Variants in RXRG observed in about 807,000 individuals in gnomAD.
The protein encoded by RXRG is retinoid X receptor gamma, also known as retinoic acid receptor RXR-gamma.
A neutral mutation model predicts 49.2 loss-of-function variants in RXRG; 19 were observed. The observed-to-expected ratio is 0.39, with a 90% CI of 0.27 to 0.57. RXRG has a LOEUF of 0.57. Among genes scored for constraint, RXRG ranks in the 20% least tolerant of loss-of-function variants. RXRG has a pLI of 0.64. For synonymous variants in RXRG, 224 were observed against 216.6 expected (o/e 1.03, Z -0.30); for missense variants, 452 against 592.5 (o/e 0.76, Z 2.46).
At chr1:165,441,703 C>A (rs1311955986) in intron 1 of RXRG, among the ~76,000 whole-genome samples, 1 of 152,098 alleles carries the variant, frequency 6.6e-6, no homozygotes, top group Non-Finnish European at 1.5e-5. Flanking sequence ...TCCTTCTCAC[C>A]CTGAGGATTA....
intron 1 of RXRG, among the ~76,000 whole-genome samples, chr1:165,429,392 T>G (rs1054630269): frequency 1.3e-5 from 2 of 152,174 alleles, no homozygotes; most frequent in African/African-American, 4.8e-5. Context: ...TGACTAGAAC[T>G]CATATTGCTC....
At chr1:165,419,721 G>T in intron 3 of RXRG, 149 bp downstream of exon 3, 1 of 517,928 alleles carries the variant, frequency 1.9e-6, no homozygotes. Flanking sequence ...GGCAGCCTGT[G>T]AACCCAGTGA....
At position 165,429,503 on chromosome 1, in the gene RXRG, T is replaced by C. The variant is rs145853015; in HGVS notation, c.50-537A>G. ...TCAGAGCAGAAGAGCACACAGTCGC[T>C]GACATCAGGAGTCACATTCCATAAT... On this transcript the variant is annotated intron_variant, in intron 1 of 9. Transcript: ENST00000359842. Among the ~76,000 whole-genome samples, 761 of 152,302 alleles carry C rather than the reference T, an allele frequency of 5.0e-3. 6 individuals are homozygous for C. Among genetic ancestry groups the C allele is most frequent in the African/African-American group, 0.018 (729 of 41,552 alleles).
intron 2 of RXRG, among the ~76,000 whole-genome samples, chr1:165,428,417 A>G (rs573870262): frequency 6.6e-6 from 1 of 152,224 alleles, no homozygotes; most frequent in South Asian, 2.1e-4. Flanking sequence ...GAGAAGAATA[A>G]AAGGGGTCCA....
chr1:165,436,279 G>T (rs534325646), intron 1 of RXRG, among the ~76,000 whole-genome samples: 1 of 152,288 alleles, frequency 6.6e-6, no homozygotes, highest in African/African-American at 2.4e-5. Flanking sequence ...AGCCACCTAG[G>T]ATGGCAGGAA....
chr1:165,416,570 T>C (rs2101718794), intron 4 of RXRG, among the ~76,000 whole-genome samples: 1 of 152,260 alleles, frequency 6.6e-6, no homozygotes, highest in South Asian at 2.1e-4. Flanking sequence ...AAATGAAACC[T>C]ACAGTTTGCC....
intron 1 of RXRG, among the ~76,000 whole-genome samples, chr1:165,438,657 C>T (rs1168230366): frequency 6.6e-6 from 1 of 152,208 alleles, no homozygotes; most frequent in Non-Finnish European, 1.5e-5. Context: ...AGAAGACCTG[C>T]TGTTTTTGCC....
chr1:165,414,667 A>G (rs1356515653), intron 4 of RXRG, among the ~76,000 whole-genome samples: 2 of 152,338 alleles, frequency 1.3e-5, no homozygotes, highest in East Asian at 1.9e-4. Flanking sequence ...ACTTGTAGTC[A>G]TTAGTTTCAT....
At chr1:165,403,222 T>G (rs1657642729) in intron 9 of RXRG, among the ~76,000 whole-genome samples, 1 of 152,188 alleles carries the variant, frequency 6.6e-6, no homozygotes, top group Non-Finnish European at 1.5e-5. Context: ...CTGTGCACAG[T>G]GCAATGCCAG....
At chr1:165,429,009 G>A in intron 1 of RXRG, 43 bp from the exon 2 acceptor site, 1 of 1,588,996 alleles carries the variant, frequency 6.3e-7, no homozygotes, top group South Asian at 1.1e-5. Flanking sequence ...TGGGGAACAT[G>A]GAAAGGGGCC....
chr1:165,434,993 A>G (rs1658781120), intron 1 of RXRG, among the ~76,000 whole-genome samples: 1 of 152,228 alleles, frequency 6.6e-6, no homozygotes, highest in Non-Finnish European at 1.5e-5. Context: ...GCCACAAGCC[A>G]GACATGGTTC....
Position 165,406,848 on chromosome 1 carries a change from G to A in RXRG, c.1208C>T (p.Ala403Val). Reference protein sequence around the residue: ...LREKVYATLEAYTKQKYPEQP... With the variant: ...LREKVYATLEVYTKQKYPEQP... Reference sequence around the variant, plus strand: ...TTCCGGATACTTCTGCTTGGTGTAGGCCTCAAGGGTGGCATAAACCTTCTC... The same window carrying A: ...TTCCGGATACTTCTGCTTGGTGTAGACCTCAAGGGTGGCATAAACCTTCTC... Residue 403 changes from alanine to valine, a missense_variant, in exon 9 of 10, where the codon GCC becomes GTC. Ala to Val is a moderately conservative substitution (Grantham distance 64). This residue lies in a region of RXRG where 286 missense variants were observed against 440.9 expected (regional missense o/e 0.65). Coordinates refer to ENST00000359842, the MANE Select transcript of RXRG (RefSeq NM_006917.5). 6.2e-7 allele frequency: 1 copy of A among 1,613,822 alleles called. No homozygotes were observed. Among genetic ancestry groups the A allele is most frequent in the Non-Finnish European group, 8.5e-7 (1 of 1,179,912 alleles).
Position 165,409,609 on chromosome 1 carries a change from T to C in RXRG, c.995A>G (p.His332Arg), listed in dbSNP as rs1482103111. The C allele has an allele frequency of 1.9e-6, 3 of 1,576,194 alleles. No individual in the cohort carries two copies. The highest frequency in any genetic ancestry group is 1.7e-6 in the Non-Finnish European group (2 of 1,162,236). Reference sequence around the variant, plus strand: ...ACTGTGGGCACTGCTCCGGTGGACATGTAAACCCGTGGCCAGAAGGATGCC... The same window carrying C: ...ACTGTGGGCACTGCTCCGGTGGACACGTAAACCCGTGGCCAGAAGGATGCC... ...QDGILLATGL[H>R]VHRSSAHSAG... is the part of the protein sequence containing the mutation. Residue 332 changes from histidine (H) to arginine (R), a missense_variant, in exon 7 of 10, where the codon CAT becomes CGT. This residue lies in a region of RXRG where 286 missense variants were observed against 440.9 expected (regional missense o/e 0.65). Transcript: ENST00000359842.
chr1:165,411,166 A>ACTTTCCCACT, intron 4 of RXRG, 57 bp from the exon 5 acceptor site: 1 of 1,553,362 alleles, frequency 6.4e-7, no homozygotes. Context: ...ACAGTGGGAA[A>ACTTTCCCACT]GTTTATTACC....
intron 4 of RXRG, among the ~76,000 whole-genome samples, 183 bp from the exon 5 acceptor site, chr1:165,411,292 G>A (rs1288053105): frequency 7.9e-5 from 12 of 152,176 alleles, no homozygotes; most frequent in Admixed American, 7.9e-4. Context: ...TTATGCCTAA[G>A]GAGAATGAGG....
chr1:165,424,671 A>C (rs1571279895), intron 2 of RXRG: 5 of 488,318 alleles, frequency 1.0e-5, no homozygotes, highest in Non-Finnish European at 1.3e-5. Context: ...GAAATGACAG[A>C]GCACAGAGGA....
At chr1:165,423,603 C>T (rs576181847) in intron 2 of RXRG, among the ~76,000 whole-genome samples, 19 of 152,114 alleles carry the variant, frequency 1.2e-4, no homozygotes, top group African/African-American at 4.6e-4. Context: ...TAAGCCTGGA[C>T]CTCCAACATG....
intron 4 of RXRG, among the ~76,000 whole-genome samples, chr1:165,413,327 C>T (rs1485721332): frequency 2.6e-5 from 4 of 152,178 alleles, no homozygotes. Context: ...GTTTATTTCG[C>T]ACTTATTACA....
chr1:165,412,265 C>T (rs1365407227), intron 4 of RXRG, among the ~76,000 whole-genome samples: 1 of 152,076 alleles, frequency 6.6e-6, no homozygotes, highest in Non-Finnish European at 1.5e-5. Context: ...TGCTCCAAAA[C>T]TTAGTGGAGA....
Sources: gnomAD v4.1 joint callset for allele counts (sites outside exome capture counted in the v4.1 genomes callset) on GRCh38, gnomAD v4.1.1 for gene constraint, gnomAD v4.1.1 regional missense constraint, MANE v1.5 for transcripts, NCBI Gene and HGNC (gene_info 2026-07-23, HGNC 2026-07-21) for gene names.